Variants in TUBG1 observed in about 807,000 individuals in gnomAD.
The protein encoded by TUBG1 is tubulin gamma-1 chain.
TUBG1 carries 22 observed loss-of-function variants against 53.3 expected under a neutral mutation model. That is an observed-to-expected ratio of 0.41 (90% confidence interval 0.29 to 0.59). TUBG1 has a LOEUF of 0.59. Among genes scored for constraint, TUBG1 ranks in the 20% least tolerant of loss-of-function variants. The probability of loss-of-function intolerance (pLI) is 0.26; values close to 1 mark genes in which losing one functional copy is unlikely to be tolerated. For missense variants in TUBG1, 217 were observed against 598.9 expected, an observed-to-expected ratio of 0.36 and a Z score of 6.66; for synonymous variants, 198 against 236.7, an observed-to-expected ratio of 0.84 and a Z score of 1.50.
intron 2 of TUBG1, 93 bp from the exon 3 acceptor site, chr17:42,610,330 G>A: frequency 6.5e-7 from 1 of 1,544,420 alleles, no homozygotes; most frequent in Non-Finnish European, 8.9e-7. Flanking sequence ...CGGCTGGCTT[G>A]AGGAGGGAGG....
intron 3 of TUBG1, among the ~76,000 whole-genome samples, chr17:42,611,795 G>A (rs990052397): frequency 6.6e-6 from 1 of 152,112 alleles, no homozygotes; most frequent in East Asian, 1.9e-4. Flanking sequence ...GACGGAGGTT[G>A]CCATGAGCCA....
At position 42,611,593 on chromosome 17, in the gene TUBG1, C is replaced by T. The variant is rs1040366369; in HGVS notation, c.331-482C>T. Among the ~76,000 whole-genome samples the T allele has an allele frequency of 3.3e-5, 5 of 152,240 alleles. 1 individual carries two copies. The highest frequency in any genetic ancestry group is 4.8e-5 in the African/African-American group (2 of 41,546). On this transcript the variant is annotated intron_variant, in intron 3 of 10. Coordinates refer to ENST00000251413, the MANE Select transcript of TUBG1 (RefSeq NM_001070.5). ...TTAATGGGCCAGGCGTGGTGGCTCA[C>T]GCCTGTAATCCTAGCACTTTGGGAG... is the stretch of plus-strand genomic sequence containing the variant.
At position 42,615,178 on chromosome 17, in the gene TUBG1, C is replaced by A; in HGVS notation, c.*137C>A. The stretch of plus-strand genomic sequence containing the variant: ...CATGGACTCTCTGTTGGCCTGCAAA[C>A]ACATTTACTTCTCCTCTTATGAGAC... On this transcript the variant is annotated 3_prime_UTR_variant, in exon 11 of 11. Transcript: ENST00000251413. The A allele has an allele frequency of 1.4e-6, 1 of 736,558 alleles. No homozygotes were observed. Among genetic ancestry groups the A allele is most frequent in the Non-Finnish European group, 2.2e-6 (1 of 448,030 alleles). The allele number at this position is 736,558 out of a possible 1,614,324, so 45.6% of individuals were successfully genotyped here.
chr17:42,615,227 G>C lies in TUBG1; in HGVS notation c.*186G>C, dbSNP rs1473885833. Reference sequence around the variant, plus strand: ...ACTATTTATCTTTAATAAAGCACTGGATATAAATCAAGTCACTGCTCCCTT... The same window carrying C: ...ACTATTTATCTTTAATAAAGCACTGCATATAAATCAAGTCACTGCTCCCTT... On this transcript the variant is annotated 3_prime_UTR_variant, in exon 11 of 11. Transcript: ENST00000251413. 1.7e-6 allele frequency: 1 copy of C among 595,732 alleles called. No individual in the cohort carries two copies. The highest frequency in any genetic ancestry group is 1.9e-5 in the African/African-American group (1 of 53,672). 36.9% of individuals were successfully genotyped at this position (595,732 alleles called of 1,614,324 possible). A position where few individuals can be genotyped will look rare whatever the true frequency, so the allele number is the denominator to read the frequency against.
In TUBG1 at chr17:42,613,896, C is replaced by T. The variant is rs1404266334; in HGVS notation, c.741C>T (p.Gly247=). 1 of 1,614,106 alleles carries T rather than the reference C, an allele frequency of 6.2e-7. No individual in the cohort carries two copies. The highest frequency in any genetic ancestry group is 8.5e-7 in the Non-Finnish European group (1 of 1,180,048). ...SASTTTLRYP[G]YMNNDLIGLI... ...GCACCACCACCCTGCGCTACCCTGG[C>T]TACATGAACAATGACCTCATCGGCC... The change falls in exon 8 of 11, where the codon GGC becomes GGT. Residue 247 remains glycine (G), a synonymous_variant. Transcript: ENST00000251413.
chr17:42,614,680 T>C lies in TUBG1; in HGVS notation c.1158+23T>C, dbSNP rs541631154. ...TCGGTGAGTCTCAAAGTTTGCACCT[T>C]TTTTCCCTGAATCAGTTTCCTGACT... On this transcript the variant is annotated intron_variant, in intron 10 of 10. Transcript: ENST00000251413. The surrounding 1 kb of genome is among the most constrained non-coding windows in gnomAD (Gnocchi z 5.1). The C allele has an allele frequency of 6.2e-7, 1 of 1,613,040 alleles. No individual in the cohort carries two copies. The highest frequency in any genetic ancestry group is 1.3e-5 in the African/African-American group (1 of 75,026).
chr17:42,614,064 T>C lies in TUBG1; in HGVS notation c.843+66T>C. 2 of 1,609,162 alleles carry C rather than the reference T, an allele frequency of 1.2e-6. No homozygotes were observed. Among genetic ancestry groups the C allele is most frequent in the Non-Finnish European group, 1.7e-6 (2 of 1,177,190 alleles). ...GGCCCAACAGGCCCTGTCCTAGCCT[T>C]TCTCTCTTCCCCACTGCCCCAGGAG... is the stretch of plus-strand genomic sequence containing the variant. On this transcript the variant is annotated intron_variant, in intron 8 of 10. Transcript: ENST00000251413. This position sits in a 1 kb window ranked among gnomAD's most constrained non-coding sequence, Gnocchi z 5.1.
chr17:42,609,896 G>T (rs931968318), intron 1 of TUBG1, 110 bp downstream of exon 1: 1 of 1,444,130 alleles, frequency 6.9e-7, no homozygotes, highest in African/African-American at 1.4e-5. Flanking sequence ...TTCTCTGAAA[G>T]GCGAGACATC....
chr17:42,612,176 C>T, intron 4 of TUBG1, 33 bp downstream of exon 4: 1 of 1,609,802 alleles, frequency 6.2e-7, no homozygotes, highest in Non-Finnish European at 8.5e-7. Context: ...TAGGAGCCGA[C>T]ATGGGCAAGG....
At chr17:42,612,238 A>AGGACTCCCATTTT in intron 4 of TUBG1, 95 bp downstream of exon 4, 1 of 1,383,472 alleles carries the variant, frequency 7.2e-7, no homozygotes, top group Non-Finnish European at 1.0e-6. Context: ...CCACTCATGT[A>AGGACTCCCATTTT]CCCTTTGCAC....
chr17:42,614,145 C>T lies in TUBG1; in HGVS notation c.844-115C>T. 1 of 1,588,610 alleles carries T rather than the reference C, an allele frequency of 6.3e-7. No homozygotes were observed. On this transcript the variant is annotated intron_variant, in intron 8 of 10. Coordinates refer to ENST00000251413, the MANE Select transcript of TUBG1 (RefSeq NM_001070.5). The surrounding 1 kb of genome is among the most constrained non-coding windows in gnomAD (Gnocchi z 5.1). ...TCAGGGACTGGCACAGAGTGGGCGA[C>T]TTTCTTGCTGACTTGCTCTCCACCC...
chr17:42,612,063 A>G lies in TUBG1; in HGVS notation c.331-12A>G, dbSNP rs553645123. 49 of 1,613,774 alleles carry G rather than the reference A, an allele frequency of 3.0e-5. No homozygotes were observed. Among genetic ancestry groups the G allele is most frequent in the South Asian group, 2.2e-4 (20 of 91,074 alleles). ...TTCTGTCCCACTCTGACCCTCCCCT[A>G]TGTCTGTACAGGGAGAAAAGATCCA... On this transcript the variant is annotated splice_polypyrimidine_tract_variant and intron_variant, in intron 3 of 10. Coordinates refer to ENST00000251413, the MANE Select transcript of TUBG1 (RefSeq NM_001070.5).
chr17:42,609,875 C>T, intron 1 of TUBG1, 89 bp downstream of exon 1: 2 of 1,481,928 alleles, frequency 1.3e-6, no homozygotes, highest in Non-Finnish European at 1.8e-6. Flanking sequence ...CTGTCCTTGC[C>T]AGAATCGTAG....
Position 42,614,716 on chromosome 17 carries a change from T to C in TUBG1, c.1158+59T>C. 5.6e-6 allele frequency: 9 copies of C among 1,607,298 alleles called. No homozygotes were observed. The highest frequency in any genetic ancestry group is 7.7e-6 in the Non-Finnish European group (9 of 1,175,582). On this transcript the variant is annotated intron_variant, in intron 10 of 10. Transcript: ENST00000251413. This position sits in a 1 kb window ranked among gnomAD's most constrained non-coding sequence, Gnocchi z 5.1. ...ATCAGTTTCCTGACTATACCTCACC[T>C]CTCTGCATCTGCTGGCCCTGCTTCT...
At position 42,609,720 on chromosome 17, in the gene TUBG1, G is replaced by T; in HGVS notation, c.-18G>T. 6.5e-7 allele frequency: 1 copy of T among 1,546,800 alleles called. No homozygotes were observed. Among genetic ancestry groups the T allele is most frequent in the South Asian group, 1.2e-5 (1 of 83,752 alleles). ...CGTTGCGGGCGGGAGCGGCTGCAACGCCGGTGCCTGAGGAGCGATGCCGAG... is the reference window on the plus strand; with the variant it reads ...CGTTGCGGGCGGGAGCGGCTGCAACTCCGGTGCCTGAGGAGCGATGCCGAG... On this transcript the variant is annotated 5_prime_UTR_variant, in exon 1 of 11. Coordinates refer to ENST00000251413, the MANE Select transcript of TUBG1 (RefSeq NM_001070.5).
Position 42,610,473 on chromosome 17 carries a change from C to T in TUBG1, c.213C>T (p.Pro71=). The change falls in exon 3 of 11, where the codon CCC becomes CCT. Residue 71 remains proline (P), a synonymous_variant. Coordinates refer to ENST00000251413, the MANE Select transcript of TUBG1 (RefSeq NM_001070.5). ...GGGCCGTGCTGCTGGACTTGGAACC[C>T]CGGGTGATCCACTCCATCCTCAACT... ...IPRAVLLDLE[P]RVIHSILNSP... is the part of the protein sequence containing the mutation. 6.2e-7 allele frequency: 1 copy of T among 1,612,580 alleles called. No individual in the cohort carries two copies. The highest frequency in any genetic ancestry group is 8.5e-7 in the Non-Finnish European group (1 of 1,178,592).
Position 42,613,915 on chromosome 17 carries a change from A to G in TUBG1, c.760A>G (p.Ile254Val). ...RYPGYMNNDLIGLIASLIPTP... is the reference protein window; with the variant it reads ...RYPGYMNNDLVGLIASLIPTP... ...CCCTGGCTACATGAACAATGACCTCATCGGCCTCATCGCCTCGCTCATTCC... is the reference window on the plus strand; with the variant it reads ...CCCTGGCTACATGAACAATGACCTCGTCGGCCTCATCGCCTCGCTCATTCC... Residue 254 changes from isoleucine (I) to valine (V), a missense_variant, in exon 8 of 11, where the codon ATC becomes GTC. Ile to Val is a conservative substitution (Grantham distance 29). Coordinates refer to ENST00000251413, the MANE Select transcript of TUBG1 (RefSeq NM_001070.5). 1 of 1,614,168 alleles carries G rather than the reference A, an allele frequency of 6.2e-7. No homozygotes were observed. Among genetic ancestry groups the G allele is most frequent in the Non-Finnish European group, 8.5e-7 (1 of 1,180,024 alleles).
intron 5 of TUBG1, 67 bp downstream of exon 5, chr17:42,612,573 C>T: frequency 7.2e-7 from 1 of 1,397,724 alleles, no homozygotes. Flanking sequence ...GGGGACCCAG[C>T]AGATATAACT....
At chr17:42,612,585 C>A in intron 5 of TUBG1, 79 bp downstream of exon 5, 1 of 1,324,264 alleles carries the variant, frequency 7.6e-7, no homozygotes, top group Non-Finnish European at 1.1e-6. Flanking sequence ...GATATAACTC[C>A]ATATTTGCTG....
Sources: gnomAD v4.1 joint callset for allele counts (sites outside exome capture counted in the v4.1 genomes callset) on GRCh38, gnomAD v4.1.1 for gene constraint, Gnocchi (gnomAD v3.1) non-coding constraint, MANE v1.5 for transcripts, NCBI Gene and HGNC (gene_info 2026-07-23, HGNC 2026-07-21) for gene names.